The following GRM7 variants were observed in gnomAD, a reference collection of about 807,000 sequenced individuals.
GRM7 encodes the protein metabotropic glutamate receptor 7.
In GRM7, 35 loss-of-function variants were observed where a neutral mutation model predicts 84.5. That is an observed-to-expected ratio of 0.41 (90% CI 0.32 to 0.55). The LOEUF (loss-of-function observed/expected upper bound fraction) is 0.55, where lower values mean the gene tolerates loss of function less well. Among genes scored for constraint, GRM7 ranks in the 20% least tolerant of loss-of-function variants. The pLI, the probability that GRM7 is intolerant of heterozygous loss-of-function variation, is 0.19. For missense variants in GRM7, 1,003 were observed against 1,194.6 expected (o/e 0.84, Z 2.36); for synonymous variants, 487 against 455.1 (o/e 1.07, Z -0.89).
chr3:6,917,417 G>C (rs1389151692), intron 1 of GRM7, among the ~76,000 whole-genome samples: 1 of 150,770 alleles, frequency 6.6e-6, no homozygotes, highest in African/African-American at 2.4e-5. Context: ...CAAAAATGAT[G>C]ATGCAAATTG....
At chr3:7,383,559 C>G (rs750627002) in intron 4 of GRM7, among the ~76,000 whole-genome samples, 4 of 152,100 alleles carry the variant, frequency 2.6e-5, no homozygotes, top group Non-Finnish European at 4.4e-5. Flanking sequence ...TAATATTTAC[C>G]TATCAGATAA....
At chr3:6,970,972 ACT>A (rs1490158437) in intron 1 of GRM7, among the ~76,000 whole-genome samples, 3 of 140,906 alleles carry the variant, frequency 2.1e-5, no homozygotes, top group Middle Eastern at 3.5e-3. Flanking sequence ...ACAGAGCGAG[ACT>A]CTGTCTCAAA....
chr3:7,348,669 C>G (rs1375696205), intron 4 of GRM7, among the ~76,000 whole-genome samples: 1 of 152,106 alleles, frequency 6.6e-6, no homozygotes, highest in African/African-American at 2.4e-5. Context: ...GTGGTTCAGT[C>G]TCACATCAGC....
intron 4 of GRM7, among the ~76,000 whole-genome samples, chr3:7,313,006 G>T (rs1444545251): frequency 6.9e-6 from 1 of 144,796 alleles, no homozygotes; most frequent in Non-Finnish European, 1.5e-5. Flanking sequence ...TCGGCTCACT[G>T]CACCCTCCAT....
At chr3:6,942,166 T>C (rs999424649) in intron 1 of GRM7, among the ~76,000 whole-genome samples, 7 of 151,984 alleles carry the variant, frequency 4.6e-5, no homozygotes, top group African/African-American at 1.2e-4. Context: ...TATCCCTCCC[T>C]ACCTTCCCCT....
At chr3:7,064,277 T>C (rs1037419491) in intron 1 of GRM7, among the ~76,000 whole-genome samples, 1 of 150,478 alleles carries the variant, frequency 6.6e-6, no homozygotes, top group African/African-American at 2.4e-5. Context: ...ATTGTATTAT[T>C]CTTATGCCTT....
intron 1 of GRM7, among the ~76,000 whole-genome samples, chr3:7,072,404 A>T (rs918437037): frequency 1.3e-5 from 2 of 152,122 alleles, no homozygotes; most frequent in Admixed American, 1.3e-4. Context: ...CACTTTGGCC[A>T]GGTGTTGTGG....
At chr3:7,618,953 C>A (rs563109081) in intron 8 of GRM7, among the ~76,000 whole-genome samples, 1 of 152,040 alleles carries the variant, frequency 6.6e-6, no homozygotes, top group African/African-American at 2.4e-5. Context: ...ACCAGAGGTT[C>A]GGAGATCAAA....
chr3:7,653,287 C>T (rs1699041477), intron 8 of GRM7, among the ~76,000 whole-genome samples: 1 of 137,320 alleles, frequency 7.3e-6, no homozygotes, highest in Non-Finnish European at 1.5e-5. Flanking sequence ...TCATTTATGA[C>T]TAGTATTATT....
chr3:6,995,583 A>G (rs1694799575), intron 1 of GRM7, among the ~76,000 whole-genome samples: 1 of 152,198 alleles, frequency 6.6e-6, no homozygotes, highest in Non-Finnish European at 1.5e-5. Flanking sequence ...ATATTTGTTA[A>G]AATAGGACCA....
intron 9 of GRM7, among the ~76,000 whole-genome samples, chr3:7,683,620 A>G (rs1356902414): frequency 6.6e-6 from 1 of 152,246 alleles, no homozygotes; most frequent in Non-Finnish European, 1.5e-5. Context: ...GCTGTCCAAC[A>G]GTACTTTCTG....
chr3:7,541,916 G>T (rs188911055), intron 7 of GRM7, among the ~76,000 whole-genome samples: 1 of 152,116 alleles, frequency 6.6e-6, no homozygotes, highest in Non-Finnish European at 1.5e-5. Context: ...AGAAACTCAC[G>T]GTAGAAATCT....
intron 2 of GRM7, among the ~76,000 whole-genome samples, chr3:7,186,370 C>T (rs901808384): frequency 2.0e-5 from 3 of 152,086 alleles, no homozygotes; most frequent in Non-Finnish European, 2.9e-5. Context: ...GTTATTTGTT[C>T]ATACAGTGGA....
intron 7 of GRM7, among the ~76,000 whole-genome samples, chr3:7,537,833 C>T (rs1692637315): frequency 6.6e-6 from 1 of 152,186 alleles, no homozygotes; most frequent in East Asian, 1.9e-4. Context: ...TCGCTTTTGA[C>T]TAATAGGCCC....
intron 7 of GRM7, among the ~76,000 whole-genome samples, chr3:7,548,087 T>C (rs1693258781): frequency 6.6e-6 from 1 of 152,212 alleles, no homozygotes. Flanking sequence ...TGCTGTAGTT[T>C]GGATGTTTGT....
intron 7 of GRM7, among the ~76,000 whole-genome samples, chr3:7,521,713 G>C (rs1180624825): frequency 6.6e-6 from 1 of 151,988 alleles, no homozygotes; most frequent in Non-Finnish European, 1.5e-5. Flanking sequence ...GTTCATGTCT[G>C]ATGAACCTCA....
intron 2 of GRM7, among the ~76,000 whole-genome samples, chr3:7,244,146 CTAA>C (rs1213965869): frequency 6.6e-6 from 1 of 152,086 alleles, no homozygotes; most frequent in Non-Finnish European, 1.5e-5. Flanking sequence ...GTTTTCTTCA[CTAA>C]TAAGTTTAAC....
intron 4 of GRM7, among the ~76,000 whole-genome samples, chr3:7,356,263 A>C (rs1222697675): frequency 6.6e-6 from 1 of 151,972 alleles, no homozygotes; most frequent in Non-Finnish European, 1.5e-5. Context: ...CGTCCACATG[A>C]ATGTTCATCA....
At chr3:7,191,416 G>A (rs1298690243) in intron 2 of GRM7, among the ~76,000 whole-genome samples, 2 of 151,988 alleles carry the variant, frequency 1.3e-5, no homozygotes, top group African/African-American at 4.8e-5. Context: ...ACCCCTGGGT[G>A]TTTATGCTAA....
Sources: allele counts gnomAD v4.1 joint callset (sites outside exome capture counted in the v4.1 genomes callset), GRCh38; gene constraint gnomAD v4.1.1; transcripts MANE v1.5; gene names NCBI Gene and HGNC (gene_info 2026-07-23, HGNC 2026-07-21).